Variants in DNAH10 observed in about 807,000 individuals in gnomAD.
The protein encoded by DNAH10 is axonemal beta dynein heavy chain 10.
DNAH10 carries 348 observed loss-of-function variants against 506.6 expected under a neutral mutation model. The ratio of observed to expected loss-of-function variants is 0.69; its 90% CI spans 0.63 to 0.75. The LOEUF (loss-of-function observed/expected upper bound fraction) is 0.75. DNAH10 is among the 30% of genes least tolerant of loss of function. The probability of loss-of-function intolerance (pLI) is 0.00; values close to 1 mark genes in which losing one functional copy is unlikely to be tolerated. For synonymous variants in DNAH10, 2,059 were observed against 2,198.6 expected (o/e 0.94, Z 1.78); for missense variants, 5,179 against 5,787.1 (o/e 0.89, Z 3.41).
Position 123,873,546 on chromosome 12 carries a change from T to C in DNAH10, c.7786-12T>C. The C allele has an allele frequency of 6.3e-7, 1 of 1,596,968 alleles. No homozygotes were observed. The highest frequency in any genetic ancestry group is 8.5e-7 in the Non-Finnish European group (1 of 1,171,828). ...AAAAGCTGGCTTTTCACATCATCTC[T>C]TTCTGCTTCAGATTGTGTTAATGGT... On this transcript the variant is annotated splice_polypyrimidine_tract_variant and intron_variant, in intron 45 of 78. Transcript: ENST00000673944.
At chr12:123,851,210 C>A (rs1274098850) in intron 35 of DNAH10, 134 bp downstream of exon 35, 1 of 935,432 alleles carries the variant, frequency 1.1e-6, no homozygotes, top group Non-Finnish European at 1.5e-6. Context: ...CTCCATGTGG[C>A]TCTTCCAGAT....
rs571097760 is a variant in DNAH10, at chr12:123,935,410, G to T, written c.13699G>T (p.Asp4567Tyr). The change falls in exon 79 of 79, where the codon GAT becomes TAT. Residue 4567 changes from aspartate (D) to tyrosine (Y), a missense_variant. Physicochemically the swap from Asp to Tyr is radical, Grantham distance 160. Around this residue, in one of 3 missense-constraint regions of DNAH10, gnomAD observed 4,844 missense variants for 5,430.5 expected, o/e 0.89. Coordinates refer to ENST00000673944, the MANE Select transcript of DNAH10 (RefSeq NM_001372106.1). ...AMGVGLVFEA[D>Y]LFTTRHISHW... ...GGGAGTCGGCTTGGTTTTTGAAGCTGATCTCTTTACCACGAGGCACATTTC... is the reference window on the plus strand; with the variant it reads ...GGGAGTCGGCTTGGTTTTTGAAGCTTATCTCTTTACCACGAGGCACATTTC... The T allele has an allele frequency of 1.9e-6, 3 of 1,611,854 alleles. No individual in the cohort carries two copies. In the South Asian group the frequency reaches 3.3e-5, roughly 18 times the overall value.
rs181445364 is a variant in DNAH10, at chr12:123,926,799, A to C, written c.12084A>C (p.Ala4028=). The C allele has an allele frequency of 1.2e-4, 190 of 1,613,948 alleles. 1 individual carries two copies. In the East Asian group the frequency reaches 4.2e-3, roughly 35 times the overall value. ...GAGGAAATCGCCTCAAATTCCTTGCAATGGGTCAAGGTCAAGAAAAGGTAA... is the reference window on the plus strand; with the variant it reads ...GAGGAAATCGCCTCAAATTCCTTGCCATGGGTCAAGGTCAAGAAAAGGTAA... The part of the protein sequence containing the change: ...GFGGNRLKFL[A]MGQGQEKVAL... The change falls in exon 69 of 79, where the codon GCA becomes GCC. Residue 4028 remains alanine (A), a synonymous_variant. Transcript: ENST00000673944. This position sits in a 1 kb window ranked among gnomAD's most constrained non-coding sequence, Gnocchi z 4.1.
intron 52 of DNAH10, among the ~76,000 whole-genome samples, chr12:123,889,236 C>T (rs962518506): frequency 2.0e-5 from 3 of 152,204 alleles, no homozygotes; most frequent in Non-Finnish European, 2.9e-5. Context: ...AATGCTTCTG[C>T]GTGCCACTAT....
At chr12:123,896,144 C>T (rs867776307) in intron 54 of DNAH10, among the ~76,000 whole-genome samples, 14 of 110,636 alleles carry the variant, frequency 1.3e-4, no homozygotes, top group Non-Finnish European at 1.9e-4. Context: ...CACACACACA[C>T]ACACAGAGAG....
At chr12:123,805,659 T>C (rs1958640338) in intron 18 of DNAH10, among the ~76,000 whole-genome samples, 1 of 152,184 alleles carries the variant, frequency 6.6e-6, no homozygotes, top group South Asian at 2.1e-4. Flanking sequence ...CACGTCTATA[T>C]TGTCAAGAGT....
At chr12:123,929,178 T>C in intron 70 of DNAH10, 97 bp from the exon 71 acceptor site, 1 of 1,286,268 alleles carries the variant, frequency 7.8e-7, no homozygotes, top group Non-Finnish European at 1.1e-6. Flanking sequence ...GATGGCTCCG[T>C]AGAGAGGAAG....
intron 46 of DNAH10, 148 bp downstream of exon 46, chr12:123,873,858 T>A: frequency 9.7e-7 from 1 of 1,034,442 alleles, no homozygotes; most frequent in South Asian, 2.2e-5. Context: ...GGAGCCAGCC[T>A]AAGGCAGAAT....
At chr12:123,765,564 T>TCTATCTATC (rs1555302003) in intron 1 of DNAH10, among the ~76,000 whole-genome samples, 3,475 of 149,390 alleles carry the variant, frequency 0.023, 96 homozygotes, top group African/African-American at 0.064. Flanking sequence ...TATCTATACT[T>TCTATCTATC]TATCTATCTA....
intron 62 of DNAH10, 88 bp downstream of exon 62, chr12:123,915,087 T>C (rs2137499504): frequency 6.9e-7 from 1 of 1,443,266 alleles, no homozygotes; most frequent in Non-Finnish European, 9.2e-7. Flanking sequence ...TGGCAGTCCC[T>C]AGCCTCAGCG....
At chr12:123,899,730 C>T (rs966593690) in intron 56 of DNAH10, among the ~76,000 whole-genome samples, 6 of 152,208 alleles carry the variant, frequency 3.9e-5, no homozygotes, top group Non-Finnish European at 8.8e-5. Flanking sequence ...TGCACAGCAG[C>T]GCCGTGAAGA....
At chr12:123,841,992 T>A (rs1467847018) in intron 30 of DNAH10, among the ~76,000 whole-genome samples, 1 of 152,216 alleles carries the variant, frequency 6.6e-6, no homozygotes. Flanking sequence ...GGGCAGTCTT[T>A]AGCATATGTG....
intron 21 of DNAH10, among the ~76,000 whole-genome samples, chr12:123,818,136 A>G (rs1959177916): frequency 6.6e-6 from 1 of 151,972 alleles, no homozygotes; most frequent in Non-Finnish European, 1.5e-5. Context: ...TAGTAGATAC[A>G]GCATTTCTCC....
intron 32 of DNAH10, among the ~76,000 whole-genome samples, chr12:123,847,308 T>TTATCTATCTATC (rs71308008): frequency 1.9e-3 from 277 of 149,036 alleles, no homozygotes; most frequent in Middle Eastern, 3.4e-3. Context: ...ATCATCTATT[T>TTATCTATCTATC]TATCTATCTA....
intron 59 of DNAH10, among the ~76,000 whole-genome samples, chr12:123,912,285 G>A (rs1472843331): frequency 4.2e-5 from 1 of 24,004 alleles, no homozygotes; most frequent in East Asian, 1.6e-3. Context: ...GTCCCGGGGG[G>A]GTCTGTCCTG....
intron 35 of DNAH10, among the ~76,000 whole-genome samples, chr12:123,852,371 G>A (rs1211000040): frequency 6.6e-6 from 1 of 152,174 alleles, no homozygotes; most frequent in African/African-American, 2.4e-5. Context: ...TTAACATAGA[G>A]GGTTGTCACA....
rs28528904 is a variant in DNAH10, at chr12:123,902,619, A to G, written c.9641-320A>G. ...AGCCGGTAAGCAGGAGGGGGACCCC[A>G]GCATCCTCACTGAACACCGGCGAGG... On this transcript the variant is annotated intron_variant, in intron 56 of 78. Transcript: ENST00000673944. The surrounding 1 kb of genome is among the most constrained non-coding windows in gnomAD (Gnocchi z 4.5). 0.33 allele frequency among the ~76,000 whole-genome samples: 49,824 copies of G among 151,810 alleles called. 9,598 individuals carry two copies. Among genetic ancestry groups the G allele is most frequent in the African/African-American group, 0.55 (22,645 of 41,278 alleles).
In DNAH10 at chr12:123,813,741, C is replaced by T; in HGVS notation, c.3622-13C>T. 2 of 1,613,282 alleles carry T rather than the reference C, an allele frequency of 1.2e-6. No homozygotes were observed. The highest frequency in any genetic ancestry group is 8.5e-7 in the Non-Finnish European group (1 of 1,179,882). On this transcript the variant is annotated splice_polypyrimidine_tract_variant and intron_variant, in intron 20 of 78. Coordinates refer to ENST00000673944, the MANE Select transcript of DNAH10 (RefSeq NM_001372106.1). ...CTGTGTTTGCTTAGTGTTCTTTGTA[C>T]TTTCTGTTATAGCACCTGGCCAAAA...
intron 26 of DNAH10, among the ~76,000 whole-genome samples, chr12:123,832,060 A>G (rs1462075232): frequency 6.6e-6 from 1 of 152,216 alleles, no homozygotes; most frequent in Non-Finnish European, 1.5e-5. Context: ...ATATGCATGT[A>G]GACACATATG....
Sources: gnomAD v4.1 joint callset for allele counts (sites outside exome capture counted in the v4.1 genomes callset) on GRCh38, gnomAD v4.1.1 for gene constraint, gnomAD v4.1.1 regional missense constraint, Gnocchi (gnomAD v3.1) non-coding constraint, MANE v1.5 for transcripts, NCBI Gene and HGNC (gene_info 2026-07-23, HGNC 2026-07-21) for gene names.